IRX3: variants seen among roughly 807,000 people sequenced by gnomAD.
IRX3 encodes the protein iroquois-class homeodomain protein IRX-3.
Under a neutral mutation model 36.4 loss-of-function variants are expected in IRX3, and 20 were observed. The observed-to-expected ratio is 0.55, with a 90% CI of 0.39 to 0.80. IRX3 has a LOEUF of 0.80. IRX3 is among the 30% of genes least tolerant of loss of function. IRX3 has a pLI of 0.00. For synonymous variants in IRX3, 404 were observed against 351.6 expected, an observed-to-expected ratio of 1.15 and a Z score of -1.67; for missense variants, 718 against 733.2, an observed-to-expected ratio of 0.98 and a Z score of 0.24.
In IRX3 at chr16:54,286,768, G is replaced by A. The variant is rs1273624541; in HGVS notation, c.-718C>T. ...GGACACTTAGGGTGCCGCGCGGGGG[G>A]TGTGTGTCGGTGTCTGTCTGTCCAT... On this transcript the variant is annotated 5_prime_UTR_variant, in exon 1 of 4. Coordinates refer to ENST00000329734, the MANE Select transcript of IRX3 (RefSeq NM_024336.3). The A allele has an allele frequency of 1.3e-5, 2 of 152,100 alleles. No homozygotes were observed. Among genetic ancestry groups the A allele is most frequent in the African/African-American group, 4.8e-5 (2 of 41,404 alleles). 9.4% of individuals were successfully genotyped at this position (152,100 alleles called of 1,614,324 possible). A position where few individuals can be genotyped will look rare whatever the true frequency, so the allele number is the denominator to read the frequency against.
rs1901224907 is a variant in IRX3 at position 54,283,560 on chromosome 16, GT to G, written c.*125del. On this transcript the variant is annotated 3_prime_UTR_variant, in exon 4 of 4. Coordinates refer to ENST00000329734, the MANE Select transcript of IRX3 (RefSeq NM_024336.3). The surrounding 1 kb of genome is among the most constrained non-coding windows in gnomAD (Gnocchi z 4.4). Reference sequence around the variant, plus strand: ...TTCTTTTTCTTACTTTCTTTGTTTAGTTTTGCTTTTAGGTATTTATACACGG... The same window carrying G: ...TTCTTTTTCTTACTTTCTTTGTTTAGTTTGCTTTTAGGTATTTATACACGG... 1.2e-5 allele frequency: 7 copies of G among 586,360 alleles called. No homozygotes were observed. In the East Asian group the frequency reaches 2.0e-4, roughly 17 times the overall value. 36.3% of individuals were successfully genotyped at this position (586,360 alleles called of 1,614,324 possible). A position where few individuals can be genotyped will look rare whatever the true frequency, so the allele number is the denominator to read the frequency against.
chr16:54,285,800 G>A lies in IRX3; in HGVS notation c.251C>T (p.Pro84Leu). ...GGCTCTTACCAGCTGCGGGAAGATG[G>A]GCAGCTCCGCGGCGTAGGGCAGGAA... ...GAFLPYAAEL[P>L]IFPQLGAQYE... Residue 84 changes from proline (P) to leucine (L), a missense_variant, in exon 1 of 4, where the codon CCC becomes CTC. Physicochemically the swap from Pro to Leu is moderately conservative, Grantham distance 98. Around this residue, in one of 3 missense-constraint regions of IRX3, gnomAD observed 204 missense variants for 181.4 expected, o/e 1.12. Coordinates refer to ENST00000329734, the MANE Select transcript of IRX3 (RefSeq NM_024336.3). This position sits in a 1 kb window ranked among gnomAD's most constrained non-coding sequence, Gnocchi z 5.7. 3 of 1,561,688 alleles carry A rather than the reference G, an allele frequency of 1.9e-6. No individual in the cohort carries two copies. Among genetic ancestry groups the A allele is most frequent in the Admixed American group, 1.9e-5 (1 of 51,364 alleles).
At position 54,283,638 on chromosome 16, in the gene IRX3, A is replaced by T; in HGVS notation, c.*48T>A. Reference sequence around the variant, plus strand: ...GAGCGATTTTTTTTATACAATTATTACAACGATTAAAAAAAGTTTTTTTTG... The same window carrying T: ...GAGCGATTTTTTTTATACAATTATTTCAACGATTAAAAAAAGTTTTTTTTG... On this transcript the variant is annotated 3_prime_UTR_variant, in exon 4 of 4. Coordinates refer to ENST00000329734, the MANE Select transcript of IRX3 (RefSeq NM_024336.3). This position sits in a 1 kb window ranked among gnomAD's most constrained non-coding sequence, Gnocchi z 4.4. The T allele has an allele frequency of 1.2e-6, 1 of 865,610 alleles. No individual in the cohort carries two copies. The highest frequency in any genetic ancestry group is 1.9e-6 in the Non-Finnish European group (1 of 528,556). The allele number at this position is 865,610 out of a possible 1,614,324, so 53.6% of individuals were successfully genotyped here.
In IRX3 at chr16:54,284,608, G is replaced by T; in HGVS notation, c.1273C>A (p.Leu425Ile). The change falls in exon 2 of 4, where the codon CTC (leucine) becomes ATC (isoleucine). Residue 425 changes from leucine (L) to isoleucine (I), a missense_variant. By Grantham distance (5) the Leu-to-Ile change is conservative (BLOSUM62 2). Around this residue, in one of 3 missense-constraint regions of IRX3, gnomAD observed 468 missense variants for 462.1 expected, o/e 1.01. Coordinates refer to ENST00000329734, the MANE Select transcript of IRX3 (RefSeq NM_024336.3). The surrounding 1 kb of genome is among the most constrained non-coding windows in gnomAD (Gnocchi z 4.0). ...GPPPGPRLHP[L>I]SLLGSAPPHL... is the part of the protein sequence containing the mutation. ...GGAGGGGCAGAGCCCAGCAGGGAGA[G>T]CGGGTGCAGGCGGGGGCCGGGCGGT... The T allele has an allele frequency of 7.2e-7, 1 of 1,379,730 alleles. No homozygotes were observed. The highest frequency in any genetic ancestry group is 9.3e-7 in the Non-Finnish European group (1 of 1,078,682). The allele number at this position is 1,379,730 out of a possible 1,614,324, so 85.5% of individuals were successfully genotyped here. A position where few individuals can be genotyped will look rare whatever the true frequency, so the allele number is the denominator to read the frequency against.
Position 54,286,033 on chromosome 16 carries a change from C to A in IRX3, c.18G>T (p.Leu6=). Residue 6 remains leucine (L), a synonymous_variant, in exon 1 of 4, where the codon CTG becomes CTT. Transcript: ENST00000329734. MSFPQ[L]GYQYIRPLYP... ...AAAGCGGGCGGATGTATTGGTATCC[C>A]AGCTGGGGGAAGGACATGGTGGCCC... 1 of 1,314,106 alleles carries A rather than the reference C, an allele frequency of 7.6e-7. No homozygotes were observed. Among genetic ancestry groups the A allele is most frequent in the Non-Finnish European group, 9.7e-7 (1 of 1,033,524 alleles). 81.4% of individuals were successfully genotyped at this position (1,314,106 alleles called of 1,614,324 possible). A position where few individuals can be genotyped will look rare whatever the true frequency, so the allele number is the denominator to read the frequency against.
Position 54,284,412 on chromosome 16 carries a change from GC to G in IRX3, c.1384+84del. The G allele has an allele frequency of 2.8e-6, 4 of 1,430,590 alleles. No individual in the cohort carries two copies. The highest frequency in any genetic ancestry group is 3.6e-6 in the Non-Finnish European group (4 of 1,099,014). 88.6% of individuals were successfully genotyped at this position (1,430,590 alleles called of 1,614,324 possible). A position where few individuals can be genotyped will look rare whatever the true frequency, so the allele number is the denominator to read the frequency against. Reference sequence around the variant, plus strand: ...GAGTGGAGAGGGACGCGCGCCCTGCGCCCCCCGGGCCCTGCCCCTCCCGGCC... The same window carrying G: ...GAGTGGAGAGGGACGCGCGCCCTGCGCCCCCGGGCCCTGCCCCTCCCGGCC... On this transcript the variant is annotated intron_variant, in intron 2 of 3. Transcript: ENST00000329734. This position sits in a 1 kb window ranked among gnomAD's most constrained non-coding sequence, Gnocchi z 4.0.
rs1901261164 is a variant in IRX3 at position 54,284,472 on chromosome 16, T to C, written c.1384+25A>G. 1.1e-5 allele frequency: 15 copies of C among 1,392,014 alleles called. No individual in the cohort carries two copies. Among genetic ancestry groups the C allele is most frequent in the African/African-American group, 3.1e-5 (2 of 65,332 alleles). The allele number at this position is 1,392,014 out of a possible 1,614,324, so 86.2% of individuals were successfully genotyped here. ...CACTACCCGCAGAGCCCGCCCCCGC[T>C]CCGCGCCCAGCGCTCAGCAGTCACC... is the stretch of plus-strand genomic sequence containing the variant. On this transcript the variant is annotated intron_variant, in intron 2 of 3. Transcript: ENST00000329734. This position sits in a 1 kb window ranked among gnomAD's most constrained non-coding sequence, Gnocchi z 4.0.
In IRX3 at chr16:54,285,564, G is replaced by A. The variant is rs1901308945; in HGVS notation, c.317C>T (p.Ala106Val). ...KDSPGVQHPA[A>V]AAAFPHPHPA... ...GTGCGGGTGCGGAAACGCGGCAGCC[G>A]CGGCCGGATGCTGCACCCCGGGGCT... Residue 106 changes from alanine to valine, a missense_variant, in exon 2 of 4, where the codon GCG becomes GTG. Transcript: ENST00000329734. This position sits in a 1 kb window ranked among gnomAD's most constrained non-coding sequence, Gnocchi z 5.7. 6.3e-7 allele frequency: 1 copy of A among 1,589,428 alleles called. No homozygotes were observed. Among genetic ancestry groups the A allele is most frequent in the Non-Finnish European group, 8.6e-7 (1 of 1,167,520 alleles).
rs1411757542 is a variant in IRX3 at position 54,285,847 on chromosome 16, G to T, written c.204C>A (p.Ala68=). 1 of 1,551,362 alleles carries T rather than the reference G, an allele frequency of 6.4e-7. No homozygotes were observed. The highest frequency in any genetic ancestry group is 1.9e-5 in the Admixed American group (1 of 51,874). The part of the protein sequence containing the change: ...GAPYAAAAAA[A]AAQGYGAFLP... ...GGAAGGCGCCGTAGCCTTGGGCGGC[G>T]GCGGCCGCAGCGGCCGCGGCGTAGG... Residue 68 remains alanine (A), a synonymous_variant, in exon 1 of 4, where the codon GCC becomes GCA. Coordinates refer to ENST00000329734, the MANE Select transcript of IRX3 (RefSeq NM_024336.3). The surrounding 1 kb of genome is among the most constrained non-coding windows in gnomAD (Gnocchi z 5.7).
In IRX3 at chr16:54,286,221, C is replaced by CGGCGGCGGCGAG. The variant is rs1388075292; in HGVS notation, c.-183_-172dup. 2.1e-5 allele frequency: 11 copies of CGGCGGCGGCGAG among 526,490 alleles called. No homozygotes were observed. The highest frequency in any genetic ancestry group is 2.4e-5 in the Non-Finnish European group (10 of 409,900). 32.6% of individuals were successfully genotyped at this position (526,490 alleles called of 1,614,324 possible). A position where few individuals can be genotyped will look rare whatever the true frequency, so the allele number is the denominator to read the frequency against. The stretch of plus-strand genomic sequence containing the variant: ...CTATTGATCTGCTCCGCGGCGGCGA[C>CGGCGGCGGCGAG]GGCGGCGGCGAGGGCGGCGGCGAGG... On this transcript the variant is annotated 5_prime_UTR_variant, in exon 1 of 4. Transcript: ENST00000329734.
Position 54,286,143 on chromosome 16 carries a change from G to A in IRX3, c.-93C>T. 1 of 1,123,868 alleles carries A rather than the reference G, an allele frequency of 8.9e-7. No individual in the cohort carries two copies. Among genetic ancestry groups the A allele is most frequent in the Non-Finnish European group, 1.1e-6 (1 of 914,388 alleles). The allele number at this position is 1,123,868 out of a possible 1,614,324, so 69.6% of individuals were successfully genotyped here. ...GGGCTCCGGCGCGCATCGGGGGCTG[G>A]GCCGGGCTTGGGGCCGCGCTGCCGC... On this transcript the variant is annotated 5_prime_UTR_variant, in exon 1 of 4. Coordinates refer to ENST00000329734, the MANE Select transcript of IRX3 (RefSeq NM_024336.3).
chr16:54,284,564 G>A lies in IRX3; in HGVS notation c.1317C>T (p.Pro439=), dbSNP rs1241809107. 3 of 1,416,162 alleles carry A rather than the reference G, an allele frequency of 2.1e-6. No homozygotes were observed. The highest frequency in any genetic ancestry group is 2.7e-6 in the Non-Finnish European group (3 of 1,096,464). 87.7% of individuals were successfully genotyped at this position (1,416,162 alleles called of 1,614,324 possible). A position where few individuals can be genotyped will look rare whatever the true frequency, so the allele number is the denominator to read the frequency against. Residue 439 remains proline (P), a synonymous_variant, in exon 2 of 4, where the codon CCC becomes CCT. Coordinates refer to ENST00000329734, the MANE Select transcript of IRX3 (RefSeq NM_024336.3). This position sits in a 1 kb window ranked among gnomAD's most constrained non-coding sequence, Gnocchi z 4.0. ...GSAPPHLLGL[P]GAAGHPAAAA... is the part of the protein sequence containing the mutation. Reference sequence around the variant, plus strand: ...CGGCAGCCGGGTGGCCCGCGGCTCCGGGAAGTCCCAGCAGGTGCGGAGGGG... The same window carrying A: ...CGGCAGCCGGGTGGCCCGCGGCTCCAGGAAGTCCCAGCAGGTGCGGAGGGG...
Position 54,285,302 on chromosome 16 carries a change from C to T in IRX3, c.579G>A (p.Trp193Ter). Residue 193 changes from tryptophan (W) to a stop codon, truncating the protein, a stop_gained, in exon 2 of 4, where the codon TGG becomes TGA. Coordinates refer to ENST00000329734, the MANE Select transcript of IRX3 (RefSeq NM_024336.3). LOFTEE classifies it high-confidence loss of function. This position sits in a 1 kb window ranked among gnomAD's most constrained non-coding sequence, Gnocchi z 5.7. ...RRLKKENKMTWAPRSRTDEEG... is the reference protein window; with the variant it reads ...RRLKKENKMT ...CCTCGTCAGTGCGGCTGCGAGGCGCCCAAGTCATCTTATTCTCCTTCTTGA... is the reference window on the plus strand; with the variant it reads ...CCTCGTCAGTGCGGCTGCGAGGCGCTCAAGTCATCTTATTCTCCTTCTTGA... 6.2e-7 allele frequency: 1 copy of T among 1,614,120 alleles called. No individual in the cohort carries two copies. The highest frequency in any genetic ancestry group is 8.5e-7 in the Non-Finnish European group (1 of 1,180,034).
At position 54,283,706 on chromosome 16, in the gene IRX3, A is replaced by G. The variant is rs757524589; in HGVS notation, c.1486T>C (p.Ser496Pro). The G allele has an allele frequency of 6.9e-7, 1 of 1,449,588 alleles. No homozygotes were observed. The allele number at this position is 1,449,588 out of a possible 1,614,324, so 89.8% of individuals were successfully genotyped here. Reference sequence around the variant, plus strand: ...AAGAACTAGGATGAGGAGAGAGCCGATAAGACCAGGGCGGCGTCCAGATGG... The same window carrying G: ...AAGAACTAGGATGAGGAGAGAGCCGGTAAGACCAGGGCGGCGTCCAGATGG... Reference protein sequence around the residue: ...QNHLDAALVLSALSSS With the variant: ...QNHLDAALVLPALSSS The change falls in exon 4 of 4, where the codon TCG becomes CCG. Residue 496 changes from serine to proline, a missense_variant. Around this residue, in one of 3 missense-constraint regions of IRX3, gnomAD observed 468 missense variants for 462.1 expected, o/e 1.01. Transcript: ENST00000329734. The surrounding 1 kb of genome is among the most constrained non-coding windows in gnomAD (Gnocchi z 4.4).
chr16:54,285,573 T>C lies in IRX3; in HGVS notation c.308A>G (p.His103Arg). 1 of 1,583,872 alleles carries C rather than the reference T, an allele frequency of 6.3e-7. No individual in the cohort carries two copies. Among genetic ancestry groups the C allele is most frequent in the Admixed American group, 1.8e-5 (1 of 55,348 alleles). Reference sequence around the variant, plus strand: ...CGGAAACGCGGCAGCCGCGGCCGGATGCTGCACCCCGGGGCTGTCCTTCAG... The same window carrying C: ...CGGAAACGCGGCAGCCGCGGCCGGACGCTGCACCCCGGGGCTGTCCTTCAG... ...YELKDSPGVQ[H>R]PAAAAAFPHP... The change falls in exon 2 of 4, where the codon CAT becomes CGT. Residue 103 changes from histidine to arginine, a missense_variant. By Grantham distance (29) the His-to-Arg change is conservative (BLOSUM62 0). Coordinates refer to ENST00000329734, the MANE Select transcript of IRX3 (RefSeq NM_024336.3). The surrounding 1 kb of genome is among the most constrained non-coding windows in gnomAD (Gnocchi z 5.7).
rs1243135519 is a variant in IRX3, at chr16:54,284,582, C to T, written c.1299G>A (p.Pro433=). 9 of 1,399,358 alleles carry T rather than the reference C, an allele frequency of 6.4e-6. No homozygotes were observed. The highest frequency in any genetic ancestry group is 7.3e-6 in the Non-Finnish European group (8 of 1,089,602). 86.7% of individuals were successfully genotyped at this position (1,399,358 alleles called of 1,614,324 possible). The change falls in exon 2 of 4, where the codon CCG becomes CCA. Residue 433 remains proline (P), a synonymous_variant. Coordinates refer to ENST00000329734, the MANE Select transcript of IRX3 (RefSeq NM_024336.3). This position sits in a 1 kb window ranked among gnomAD's most constrained non-coding sequence, Gnocchi z 4.0. ...HPLSLLGSAP[P]HLLGLPGAAG... The stretch of plus-strand genomic sequence containing the variant: ...CGGCTCCGGGAAGTCCCAGCAGGTG[C>T]GGAGGGGCAGAGCCCAGCAGGGAGA...
At position 54,284,517 on chromosome 16, in the gene IRX3, G is replaced by C; in HGVS notation, c.1364C>G (p.Ala455Gly). 2 of 1,409,810 alleles carry C rather than the reference G, an allele frequency of 1.4e-6. No homozygotes were observed. Among genetic ancestry groups the C allele is most frequent in the Non-Finnish European group, 1.8e-6 (2 of 1,093,310 alleles). 87.3% of individuals were successfully genotyped at this position (1,409,810 alleles called of 1,614,324 possible). The part of the protein sequence containing the change: ...PAAAAAFARP[A>G]EPEGGTDRCS... Reference sequence around the variant, plus strand: ...GTCACCTGTTCCGCCTTCGGGCTCCGCTGGCCGAGCGAAGGCGGCGGCGGC... The same window carrying C: ...GTCACCTGTTCCGCCTTCGGGCTCCCCTGGCCGAGCGAAGGCGGCGGCGGC... Residue 455 changes from alanine (A) to glycine (G), a missense_variant, in exon 2 of 4, where the codon GCG becomes GGG. Ala to Gly is a moderately conservative substitution (Grantham distance 60, BLOSUM62 0). Around this residue, in one of 3 missense-constraint regions of IRX3, gnomAD observed 468 missense variants for 462.1 expected, o/e 1.01. Coordinates refer to ENST00000329734, the MANE Select transcript of IRX3 (RefSeq NM_024336.3). The surrounding 1 kb of genome is among the most constrained non-coding windows in gnomAD (Gnocchi z 4.0).
Position 54,285,033 on chromosome 16 carries a change from C to A in IRX3, c.848G>T (p.Gly283Val). 1 of 1,612,800 alleles carries A rather than the reference C, an allele frequency of 6.2e-7. No homozygotes were observed. ...AARRDGDLGL[G>V]PISDSKNSDS... ...GCTATTTTTGGAGTCCGAAATGGGT[C>A]CCAGGCCTAGGTCGCCATCCCTGCG... The change falls in exon 2 of 4, where the codon GGA (glycine) becomes GTA (valine). Residue 283 changes from glycine (G) to valine (V), a missense_variant. Around this residue, in one of 3 missense-constraint regions of IRX3, gnomAD observed 468 missense variants for 462.1 expected, o/e 1.01. Transcript: ENST00000329734. The surrounding 1 kb of genome is among the most constrained non-coding windows in gnomAD (Gnocchi z 5.7).
Position 54,284,672 on chromosome 16 carries a change from GC to G in IRX3, c.1208del (p.Gly403AlafsTer120). On this transcript the variant is annotated frameshift_variant, in exon 2 of 4. Coordinates refer to ENST00000329734, the MANE Select transcript of IRX3 (RefSeq NM_024336.3). LOFTEE classifies it high-confidence loss of function. The surrounding 1 kb of genome is among the most constrained non-coding windows in gnomAD (Gnocchi z 4.0). The stretch of plus-strand genomic sequence containing the variant: ...GCCGGTTGGTCCAAGCCGGGAACTT[GC>G]CCAGCGGCGCTGAGACCAGTCTGTG... ...AAHRLVSAPLGKFPAWTNRPF... is the reference protein window; with the variant it reads ...AAHRLVSAPLXKFPAWTNRPF... 7.1e-7 allele frequency: 1 copy of G among 1,399,934 alleles called. No homozygotes were observed. The highest frequency in any genetic ancestry group is 9.2e-7 in the Non-Finnish European group (1 of 1,090,458). The allele number at this position is 1,399,934 out of a possible 1,614,324, so 86.7% of individuals were successfully genotyped here.
Sources: allele counts gnomAD v4.1 joint callset, GRCh38; gene constraint gnomAD v4.1.1; regional missense constraint gnomAD v4.1.1; non-coding constraint Gnocchi (gnomAD v3.1); transcripts MANE v1.5; gene names NCBI Gene and HGNC (gene_info 2026-07-23, HGNC 2026-07-21).